The following SLC24A2 variants were observed in gnomAD, a reference collection of about 807,000 sequenced individuals.
The protein encoded by SLC24A2 is sodium/potassium/calcium exchanger 2.
In SLC24A2, 36 loss-of-function variants were observed where a neutral mutation model predicts 62.0. The ratio of observed to expected loss-of-function variants is 0.58; its 90% CI spans 0.44 to 0.77. The LOEUF (loss-of-function observed/expected upper bound fraction) is 0.77. SLC24A2 is among the 30% of genes least tolerant of loss of function. The pLI is 0.00. For missense variants in SLC24A2, 846 were observed against 817.9 expected (o/e 1.03, Z -0.42); for synonymous variants, 358 against 294.0 (o/e 1.22, Z -2.23).
Position 19,619,691 on chromosome 9 carries a change from G to C in SLC24A2, c.971C>G (p.Ala324Gly). The change falls in exon 4 of 11, where the codon GCT becomes GGT. Residue 324 changes from alanine to glycine, a missense_variant and splice_region_variant. Coordinates refer to ENST00000341998, the MANE Select transcript of SLC24A2 (RefSeq NM_020344.4). ...TCCACCTCGCTGGAGACGCGGCTTA[G>C]CCTGAGCAGAGAAACCAAAGAGATG... is the stretch of plus-strand genomic sequence containing the variant. ...ARDKDEPTLP[A>G]KPRLQRGGSS... 8.1e-6 allele frequency: 13 copies of C among 1,612,286 alleles called. No individual in the cohort carries two copies. Among genetic ancestry groups the C allele is most frequent in the Non-Finnish European group, 1.1e-5 (13 of 1,178,398 alleles).
the SLC24A2 span, among the ~76,000 whole-genome samples, chr9:20,210,182 C>A: frequency 6.6e-6 from 1 of 152,116 alleles, no homozygotes; most frequent in African/African-American, 2.4e-5. Context: ...CTGTGGTTTT[C>A]TTTGGGGGAC....
intron 7 of SLC24A2, among the ~76,000 whole-genome samples, chr9:19,554,172 T>C (rs1834972275): frequency 6.6e-6 from 1 of 152,078 alleles, no homozygotes; most frequent in Non-Finnish European, 1.5e-5. Flanking sequence ...CACATGAAGA[T>C]GGGGACACAG....
chr9:19,986,818 G>C, the SLC24A2 span, among the ~76,000 whole-genome samples: 2 of 152,228 alleles, frequency 1.3e-5, no homozygotes, highest in East Asian at 3.9e-4. Flanking sequence ...AATGGGTATA[G>C]ATTTACTTTT....
the SLC24A2 span, among the ~76,000 whole-genome samples, chr9:19,874,059 CT>C: frequency 1.4e-5 from 2 of 140,400 alleles, no homozygotes; most frequent in African/African-American, 5.3e-5. Flanking sequence ...TGATATTGTT[CT>C]TTTTCTTTTC....
At chr9:20,031,213 C>T in the SLC24A2 span, among the ~76,000 whole-genome samples, 6 of 150,138 alleles carry the variant, frequency 4.0e-5, no homozygotes, top group African/African-American at 1.2e-4. Context: ...CTTTACTTTG[C>T]ACATACACAC....
At chr9:20,239,470 G>T in the SLC24A2 span, among the ~76,000 whole-genome samples, 1 of 151,928 alleles carries the variant, frequency 6.6e-6, no homozygotes, top group African/African-American at 2.4e-5. Context: ...AAGGGGGCCT[G>T]GTCAGGGAGA....
At chr9:19,516,435 G>C in intron 10 of SLC24A2, 33 bp from the exon 11 acceptor site, 2 of 1,610,480 alleles carry the variant, frequency 1.2e-6, no homozygotes, top group Non-Finnish European at 1.7e-6. Context: ...AGAGGGGAGT[G>C]GGAAGACAAG....
At chr9:19,790,908 A>T (rs1363607614), upstream of SLC24A2, among the ~76,000 whole-genome samples, 1 of 152,132 alleles carries the variant, frequency 6.6e-6, no homozygotes, top group Non-Finnish European at 1.5e-5. Context: ...TTATGGTTTC[A>T]GGTTTTTCCC....
At chr9:19,716,254 C>T (rs1208429401) in intron 2 of SLC24A2, among the ~76,000 whole-genome samples, 1 of 152,208 alleles carries the variant, frequency 6.6e-6, no homozygotes, top group East Asian at 1.9e-4. Flanking sequence ...CACCTGTTCA[C>T]AGTATTCTAC....
chr9:19,747,622 A>G (rs1821870917), intron 2 of SLC24A2, among the ~76,000 whole-genome samples: 1 of 152,220 alleles, frequency 6.6e-6, no homozygotes, highest in African/African-American at 2.4e-5. Context: ...TAGCCAAAGG[A>G]AATTCTTCTT....
At chr9:20,173,007 G>A in the SLC24A2 span, among the ~76,000 whole-genome samples, 2 of 152,032 alleles carry the variant, frequency 1.3e-5, no homozygotes, top group South Asian at 4.1e-4. Context: ...TTTCATACCA[G>A]GGTTGCAGAG....
At chr9:20,189,670 G>A in the SLC24A2 span, among the ~76,000 whole-genome samples, 1 of 152,154 alleles carries the variant, frequency 6.6e-6, no homozygotes, top group Admixed American at 6.5e-5. Context: ...CCTCCCTTTG[G>A]AGAGCTAACA....
chr9:19,633,346 C>A (rs1459540119), intron 2 of SLC24A2, among the ~76,000 whole-genome samples: 1 of 152,120 alleles, frequency 6.6e-6, no homozygotes, highest in African/African-American at 2.4e-5. Context: ...TACAATAAGA[C>A]CATGCTTTTG....
intron 2 of SLC24A2, among the ~76,000 whole-genome samples, chr9:19,723,077 G>C (rs1017929377): frequency 6.6e-5 from 10 of 152,098 alleles, no homozygotes; most frequent in Non-Finnish European, 1.3e-4. Flanking sequence ...GGGTGGTAGT[G>C]ATAAAATTAT....
At position 19,674,072 on chromosome 9, in the gene SLC24A2, G is replaced by A. The variant is rs369422028; in HGVS notation, c.931-51773C>T. On this transcript the variant is annotated intron_variant, in intron 2 of 10. Coordinates refer to ENST00000341998, the MANE Select transcript of SLC24A2 (RefSeq NM_020344.4). Reference sequence around the variant, plus strand: ...CAGTTCTTATAGTGCTGGCTTGGTAGTGGTGAGCTCTCTCAGCATTTGTCT... The same window carrying A: ...CAGTTCTTATAGTGCTGGCTTGGTAATGGTGAGCTCTCTCAGCATTTGTCT... 5.3e-5 allele frequency among the ~76,000 whole-genome samples: 8 copies of A among 152,298 alleles called. No individual in the cohort carries two copies. In the East Asian group the frequency reaches 1.2e-3, roughly 22 times the overall value.
At chr9:19,806,506 T>A in the SLC24A2 span, among the ~76,000 whole-genome samples, 1 of 152,184 alleles carries the variant, frequency 6.6e-6, no homozygotes, top group African/African-American at 2.4e-5. Flanking sequence ...GTGGTTACAA[T>A]GAGTTTAGGA....
chr9:19,999,956 G>A, the SLC24A2 span, among the ~76,000 whole-genome samples: 1 of 152,172 alleles, frequency 6.6e-6, no homozygotes, highest in East Asian at 1.9e-4. Flanking sequence ...TTAATGGCCT[G>A]AATGTTCAAG....
the SLC24A2 span, among the ~76,000 whole-genome samples, chr9:19,964,750 C>G: frequency 6.6e-6 from 1 of 152,316 alleles, no homozygotes; most frequent in African/African-American, 2.4e-5. Flanking sequence ...GCTGCTAACT[C>G]ACTTTGTTGG....
the SLC24A2 span, among the ~76,000 whole-genome samples, chr9:20,148,419 T>G: frequency 6.6e-6 from 1 of 152,078 alleles, no homozygotes; most frequent in African/African-American, 2.4e-5. Flanking sequence ...ATAAAACGCT[T>G]CTGTACCTTT....
Sources: allele counts gnomAD v4.1 joint callset (sites outside exome capture counted in the v4.1 genomes callset), GRCh38; gene constraint gnomAD v4.1.1; transcripts MANE v1.5; gene names NCBI Gene and HGNC (gene_info 2026-07-23, HGNC 2026-07-21).